SGK1: variants seen among roughly 807,000 people sequenced by gnomAD.
The protein encoded by SGK1 is serum/glucocorticoid regulated kinase 1, also known as serine/threonine-protein kinase Sgk1.
A neutral mutation model predicts 64.2 loss-of-function variants in SGK1; 26 were observed. That is an observed-to-expected ratio of 0.40 (90% CI 0.30 to 0.56). The LOEUF (loss-of-function observed/expected upper bound fraction) is 0.56, where lower values mean the gene tolerates loss of function less well. SGK1 is among the 20% of genes least tolerant of loss of function. SGK1 has a pLI of 0.38. For synonymous variants in SGK1, 265 were observed against 239.7 expected (o/e 1.11, Z -0.98); for missense variants, 519 against 645.6 (o/e 0.80, Z 2.12).
chr6:134,180,679 C>G (rs1228840682), intron 3 of SGK1, among the ~76,000 whole-genome samples: 1 of 151,932 alleles, frequency 6.6e-6, no homozygotes. Context: ...TTGAGACCAG[C>G]CTGGGCAACA....
Position 134,173,102 on chromosome 6 carries a change from G to T in SGK1, c.755C>A (p.Pro252His). 6.2e-7 allele frequency: 1 copy of T among 1,613,952 alleles called. No individual in the cohort carries two copies. Among genetic ancestry groups the T allele is most frequent in the Non-Finnish European group, 8.5e-7 (1 of 1,179,832 alleles). The change falls in exon 8 of 14, where the codon CCT becomes CAT. Residue 252 changes from proline (P) to histidine (H), a missense_variant. Physicochemically the swap from Pro to His is moderately conservative, Grantham distance 77. This residue lies in a region of SGK1 where 278 missense variants were observed against 408.7 expected (regional missense o/e 0.68). Coordinates refer to ENST00000367858, the MANE Select transcript of SGK1 (RefSeq NM_001143676.3). ...AGAGAAGTGAAGGCCCACCAGGAAAGGGTGCTTCACATTCTTCAACAGAAC... is the reference window on the plus strand; with the variant it reads ...AGAGAAGTGAAGGCCCACCAGGAAATGGTGCTTCACATTCTTCAACAGAAC... The part of the protein sequence containing the change: ...RNVLLKNVKH[P>H]FLVGLHFSFQ...
chr6:134,315,161 A>G (rs1194929335), intron 1 of SGK1, among the ~76,000 whole-genome samples: 1 of 152,230 alleles, frequency 6.6e-6, no homozygotes, highest in Non-Finnish European at 1.5e-5. Context: ...GTCATGTACA[A>G]GCAGAAATAA....
chr6:134,172,437 A>G (rs1260725849), intron 9 of SGK1, 121 bp from the exon 10 acceptor site: 2 of 1,008,548 alleles, frequency 2.0e-6, no homozygotes, highest in Non-Finnish European at 3.0e-6. Flanking sequence ...TGTGTAGTGA[A>G]GAAAAAAGGG....
chr6:134,196,592 A>C (rs1444427850), intron 3 of SGK1, among the ~76,000 whole-genome samples: 15 of 152,332 alleles, frequency 9.8e-5, no homozygotes, highest in Admixed American at 2.6e-4. Context: ...ACCACAACAG[A>C]TTGTACACTA....
chr6:134,296,839 G>T (rs1418129971), intron 1 of SGK1, among the ~76,000 whole-genome samples: 2 of 151,914 alleles, frequency 1.3e-5, no homozygotes, highest in East Asian at 3.9e-4. Flanking sequence ...GGCAAGGGGG[G>T]GTCCCCAAGC....
Position 134,272,394 on chromosome 6 carries a change from T to C in SGK1, c.70-10246A>G, listed in dbSNP as rs180744765. Reference sequence around the variant, plus strand: ...GTCTCAAACTTCTGACCTCAGGTTATCTGCCCACCTTGGCCTCCCAGAGTG... The same window carrying C: ...GTCTCAAACTTCTGACCTCAGGTTACCTGCCCACCTTGGCCTCCCAGAGTG... On this transcript the variant is annotated intron_variant, in intron 1 of 13. Transcript: ENST00000367858. Among the ~76,000 whole-genome samples, 42 of 145,502 alleles carry C rather than the reference T, an allele frequency of 2.9e-4. 4 individuals carry two copies. Among genetic ancestry groups the C allele is most frequent in the Non-Finnish European group, 5.5e-4 (36 of 65,788 alleles).
At chr6:134,194,197 T>C (rs2114669234) in intron 3 of SGK1, among the ~76,000 whole-genome samples, 1 of 152,040 alleles carries the variant, frequency 6.6e-6, no homozygotes, top group South Asian at 2.1e-4. Context: ...ATCAATGTTA[T>C]AACGACATGC....
intron 2 of SGK1, among the ~76,000 whole-genome samples, chr6:134,251,034 C>T (rs937417929): frequency 3.9e-5 from 6 of 152,138 alleles, no homozygotes; most frequent in African/African-American, 1.4e-4. Context: ...GCCTTGGGCT[C>T]CCAAAGTTCT....
chr6:134,309,902 A>T (rs570278885), intron 1 of SGK1, among the ~76,000 whole-genome samples: 1 of 152,360 alleles, frequency 6.6e-6, no homozygotes, highest in Non-Finnish European at 1.5e-5. Context: ...GTATGTAAAA[A>T]AAAATCACAC....
intron 2 of SGK1, among the ~76,000 whole-genome samples, chr6:134,242,422 G>T (rs958640608): frequency 5.9e-5 from 9 of 151,972 alleles, no homozygotes; most frequent in Non-Finnish European, 1.2e-4. Context: ...GGAGGCGGAG[G>T]TTGCAGCGAG....
intron 1 of SGK1, among the ~76,000 whole-genome samples, chr6:134,278,063 A>C (rs1027268241): frequency 6.6e-6 from 1 of 152,242 alleles, no homozygotes; most frequent in Non-Finnish European, 1.5e-5. Flanking sequence ...GGAGCATCCA[A>C]GAAGTCCTTT....
At chr6:134,223,569 G>A (rs945796432) in intron 2 of SGK1, among the ~76,000 whole-genome samples, 1 of 152,040 alleles carries the variant, frequency 6.6e-6, no homozygotes, top group African/African-American at 2.4e-5. Flanking sequence ...AATAGAAATC[G>A]GGATTTGGAT....
At chr6:134,243,346 A>G (rs910522132) in intron 2 of SGK1, among the ~76,000 whole-genome samples, 3 of 151,908 alleles carry the variant, frequency 2.0e-5, no homozygotes, top group African/African-American at 7.2e-5. Flanking sequence ...AGTTGTATTT[A>G]TTTTTTATTT....
intron 3 of SGK1, among the ~76,000 whole-genome samples, chr6:134,200,542 A>T (rs747623094): frequency 5.9e-5 from 9 of 152,158 alleles, no homozygotes; most frequent in Admixed American, 1.3e-4. Context: ...TCACAAAATC[A>T]TGTTTTTATT....
At chr6:134,256,088 C>CTTTTTTTTTTTTTT (rs68106923) in intron 2 of SGK1, among the ~76,000 whole-genome samples, 1 of 139,244 alleles carries the variant, frequency 7.2e-6, no homozygotes. Flanking sequence ...GTCCTTTTTC[C>CTTTTTTTTTTTTTT]TTTTTTTTTT....
At chr6:134,234,819 T>G (rs762395654) in intron 2 of SGK1, among the ~76,000 whole-genome samples, 2 of 152,110 alleles carry the variant, frequency 1.3e-5, no homozygotes, top group Non-Finnish European at 2.9e-5. Context: ...GAGGTTGCAG[T>G]GAGTTGAGAT....
At chr6:134,172,455 G>T in intron 9 of SGK1, 139 bp from the exon 10 acceptor site, 2 of 888,932 alleles carry the variant, frequency 2.2e-6, no homozygotes, top group Non-Finnish European at 3.5e-6. Flanking sequence ...GGGAGCCCTT[G>T]TTCTGCTCAT....
chr6:134,181,172 A>G (rs1775325942), intron 3 of SGK1, among the ~76,000 whole-genome samples: 1 of 152,172 alleles, frequency 6.6e-6, no homozygotes, highest in Non-Finnish European at 1.5e-5. Flanking sequence ...AACTGACACG[A>G]AGGCAATATA....
At chr6:134,281,898 C>T (rs150137488) in intron 1 of SGK1, among the ~76,000 whole-genome samples, 1 of 152,254 alleles carries the variant, frequency 6.6e-6, no homozygotes, top group Non-Finnish European at 1.5e-5. Flanking sequence ...TAACTATATA[C>T]TTATGTTTGT....
Sources: gnomAD v4.1 joint callset for allele counts (sites outside exome capture counted in the v4.1 genomes callset) on GRCh38, gnomAD v4.1.1 for gene constraint, gnomAD v4.1.1 regional missense constraint, MANE v1.5 for transcripts, NCBI Gene and HGNC (gene_info 2026-07-23, HGNC 2026-07-21) for gene names.